The following POLR3F variants were observed in gnomAD, a reference collection of about 807,000 sequenced individuals.
POLR3F encodes RNA polymerase III subunit F.
In POLR3F, 31 loss-of-function variants were observed where a neutral mutation model predicts 43.6. The ratio of observed to expected loss-of-function variants is 0.71; its 90% CI spans 0.53 to 0.96. The LOEUF is 0.96. POLR3F is among the 40% of genes least tolerant of loss of function. The probability of loss-of-function intolerance (pLI) is 0.00; values close to 1 mark genes in which losing one functional copy is unlikely to be tolerated. For synonymous variants in POLR3F, 114 were observed against 132.5 expected (o/e 0.86, Z 0.96); for missense variants, 316 against 391.7 (o/e 0.81, Z 1.63).
rs761718834 is a variant in POLR3F, at chr20:18,468,938, T to G, written c.63-6T>G. 3.8e-6 allele frequency: 5 copies of G among 1,312,572 alleles called. No homozygotes were observed. In the South Asian group the frequency reaches 5.9e-5, roughly 15 times the overall value. The allele number at this position is 1,312,572 out of a possible 1,614,324, so 81.3% of individuals were successfully genotyped here. Reference sequence around the variant, plus strand: ...TGAAGGATAACATTAATACCTTTGTTTCTAGGATTATAGAATTATGTCACC... The same window carrying G: ...TGAAGGATAACATTAATACCTTTGTGTCTAGGATTATAGAATTATGTCACC... On this transcript the variant is annotated splice_polypyrimidine_tract_variant and splice_region_variant and intron_variant, in intron 1 of 8. Transcript: ENST00000377603.
chr20:18,469,592 T>C (rs930035773), intron 2 of POLR3F, among the ~76,000 whole-genome samples: 2 of 152,200 alleles, frequency 1.3e-5, no homozygotes, highest in Non-Finnish European at 2.9e-5. Context: ...CTATTGGTTC[T>C]TTTTCTCTGG....
At chr20:18,469,344 A>T in intron 2 of POLR3F, 1 of 287,676 alleles carries the variant, frequency 3.5e-6, no homozygotes, top group South Asian at 5.3e-5. Context: ...GATTGAATTC[A>T]CTCTTTGAAT....
intron 2 of POLR3F, among the ~76,000 whole-genome samples, chr20:18,471,638 C>A (rs2059751740): frequency 1.3e-5 from 2 of 152,194 alleles, no homozygotes; most frequent in Non-Finnish European, 2.9e-5. Flanking sequence ...GAGTGTGTCA[C>A]TGTTCATTCA....
chr20:18,467,632 C>A lies in POLR3F; in HGVS notation c.62+64C>A, dbSNP rs561412712. ...GCCCAGTCATTTGGGCAGCTGGACC[C>A]CTTCTCCGGGATCCCTTGGGAGTGG... On this transcript the variant is annotated intron_variant, in intron 1 of 8. Transcript: ENST00000377603. The A allele has an allele frequency of 4.3e-4, 688 of 1,611,200 alleles. 11 individuals carry two copies. In the South Asian group the frequency reaches 7.2e-3, roughly 17 times the overall value.
intron 2 of POLR3F, among the ~76,000 whole-genome samples, chr20:18,470,333 C>T (rs1470062756): frequency 2.0e-5 from 3 of 152,164 alleles, no homozygotes; most frequent in African/African-American, 7.2e-5. Context: ...TTTTCTAGCT[C>T]AGGAGTTGGC....
At chr20:18,470,961 A>G (rs1460666361) in intron 2 of POLR3F, among the ~76,000 whole-genome samples, 1 of 152,126 alleles carries the variant, frequency 6.6e-6, no homozygotes, top group Admixed American at 6.5e-5. Flanking sequence ...CTGCAGTAGC[A>G]TCTTAACTGG....
At position 18,484,157 on chromosome 20, in the gene POLR3F, ATACT is replaced by A. The variant is rs1170197471; in HGVS notation, c.*605_*608del. 1.0e-5 allele frequency: 4 copies of A among 398,476 alleles called. No individual in the cohort carries two copies. The highest frequency in any genetic ancestry group is 1.3e-5 in the Non-Finnish European group (3 of 226,060). 24.7% of individuals were successfully genotyped at this position (398,476 alleles called of 1,614,324 possible). On this transcript the variant is annotated 3_prime_UTR_variant, in exon 9 of 9. Coordinates refer to ENST00000377603, the MANE Select transcript of POLR3F (RefSeq NM_006466.4). ...TGTTCTTTTAGGAGATTATGCTACC[ATACT>A]TACTTCAAACCCAATGACTACTGTC...
chr20:18,473,824 A>C (rs913783653), intron 4 of POLR3F, among the ~76,000 whole-genome samples: 4 of 152,048 alleles, frequency 2.6e-5, no homozygotes, highest in African/African-American at 9.7e-5. Context: ...TCTTTATCTT[A>C]TCTATAAATT....
intron 7 of POLR3F, 122 bp from the exon 8 acceptor site, chr20:18,481,497 C>G: frequency 1.5e-6 from 1 of 681,612 alleles, no homozygotes; most frequent in East Asian, 2.7e-5. Flanking sequence ...CCTCGGCTTC[C>G]CAAAGTGCTG....
Position 18,473,463 on chromosome 20 carries a change from G to T in POLR3F, c.316+5G>T, listed in dbSNP as rs762106526. The T allele has an allele frequency of 7.1e-7, 1 of 1,400,914 alleles. No individual in the cohort carries two copies. Among genetic ancestry groups the T allele is most frequent in the East Asian group, 2.3e-5 (1 of 43,798 alleles). 86.8% of individuals were successfully genotyped at this position (1,400,914 alleles called of 1,614,324 possible). ...TAGAGGATGCAGGAAATAAAGGTAA[G>T]CATGTGAAAGATGAAGCAGAAAAAA... On this transcript the variant is annotated splice_donor_5th_base_variant and intron_variant, in intron 4 of 8. Coordinates refer to ENST00000377603, the MANE Select transcript of POLR3F (RefSeq NM_006466.4).
chr20:18,473,563 T>G, intron 4 of POLR3F, 105 bp downstream of exon 4: 1 of 565,868 alleles, frequency 1.8e-6, no homozygotes, highest in Non-Finnish European at 3.3e-6. Context: ...CAGAGTATAC[T>G]GAGGAAGGTA....
chr20:18,471,363 C>CA (rs950401665), intron 2 of POLR3F, among the ~76,000 whole-genome samples: 4 of 152,306 alleles, frequency 2.6e-5, no homozygotes, highest in Admixed American at 2.6e-4. Flanking sequence ...TGAACCCCCC[C>CA]AGGTTGGGCC....
At chr20:18,478,323 C>T (rs901027624) in intron 5 of POLR3F, among the ~76,000 whole-genome samples, 1 of 152,048 alleles carries the variant, frequency 6.6e-6, no homozygotes, top group Admixed American at 6.5e-5. Flanking sequence ...TCAAGCCATC[C>T]TCCCACCACA....
Position 18,483,694 on chromosome 20 carries a change from CAT to C in POLR3F, c.*139_*140del, listed in dbSNP as rs1023695725. On this transcript the variant is annotated 3_prime_UTR_variant, in exon 9 of 9. Coordinates refer to ENST00000377603, the MANE Select transcript of POLR3F (RefSeq NM_006466.4). ...GGACGTAGACTTGCTGCTATGAAAA[CAT>C]ATTTTTTTTATTTATGAAGACTAAA... is the stretch of plus-strand genomic sequence containing the variant. 33 of 433,490 alleles carry C rather than the reference CAT, an allele frequency of 7.6e-5. No individual in the cohort carries two copies. Among genetic ancestry groups the C allele is most frequent in the Admixed American group, 5.9e-4 (14 of 23,606 alleles). 26.9% of individuals were successfully genotyped at this position (433,490 alleles called of 1,614,324 possible). A position where few individuals can be genotyped will look rare whatever the true frequency, so the allele number is the denominator to read the frequency against.
intron 4 of POLR3F, among the ~76,000 whole-genome samples, chr20:18,474,621 C>T (rs1364626321): frequency 2.0e-5 from 3 of 151,842 alleles, no homozygotes; most frequent in African/African-American, 4.8e-5. Flanking sequence ...CGGGTTCAAA[C>T]GAGTCTCATG....
At chr20:18,477,795 G>A (rs2045675089) in intron 5 of POLR3F, among the ~76,000 whole-genome samples, 1 of 152,202 alleles carries the variant, frequency 6.6e-6, no homozygotes. Flanking sequence ...TTGAATAGGT[G>A]AAGCATGAGA....
intron 2 of POLR3F, among the ~76,000 whole-genome samples, chr20:18,470,329 A>G (rs79276446): frequency 4.7e-4 from 72 of 152,278 alleles, no homozygotes; most frequent in Non-Finnish European, 9.1e-4. Context: ...TCAATTTTCT[A>G]GCTCAGGAGT....
At chr20:18,480,320 T>G (rs1233436898) in intron 6 of POLR3F, 82 bp from the exon 7 acceptor site, 3 of 1,227,650 alleles carry the variant, frequency 2.4e-6, no homozygotes. Flanking sequence ...TATGTTCTGT[T>G]GTTGGTTTGA....
At chr20:18,473,338 A>G (rs2059763490) in intron 3 of POLR3F, 53 bp from the exon 4 acceptor site, 2 of 768,034 alleles carry the variant, frequency 2.6e-6, no homozygotes, top group East Asian at 2.5e-5. Context: ...GATGTAGATT[A>G]TTAGATTATC....
Sources: allele counts gnomAD v4.1 joint callset (sites outside exome capture counted in the v4.1 genomes callset), GRCh38; gene constraint gnomAD v4.1.1; transcripts MANE v1.5; gene names NCBI Gene and HGNC (gene_info 2026-07-23, HGNC 2026-07-21).